Variants in EPB41 observed in about 807,000 individuals in gnomAD.
EPB41 encodes protein 4.1.
EPB41 carries 65 observed loss-of-function variants against 108.0 expected under a neutral mutation model. The observed-to-expected ratio is 0.60, with a 90% confidence interval of 0.49 to 0.74. EPB41 has a LOEUF of 0.74. Ranked by LOEUF, EPB41 falls within the 30% of genes least tolerant of loss-of-function variation. The pLI is 0.00. For synonymous variants in EPB41, 336 were observed against 358.9 expected (o/e 0.94, Z 0.72); for missense variants, 875 against 1,037.0 (o/e 0.84, Z 2.15).
chr1:28,934,539 T>G (rs2148623167), intron 1 of EPB41, among the ~76,000 whole-genome samples: 1 of 152,306 alleles, frequency 6.6e-6, no homozygotes, highest in East Asian at 1.9e-4. Flanking sequence ...TGTGGAGTCA[T>G]ACTGATATGG....
At chr1:29,085,696 A>G (rs1434687604) in intron 16 of EPB41, among the ~76,000 whole-genome samples, 1 of 151,792 alleles carries the variant, frequency 6.6e-6, no homozygotes, top group East Asian at 1.9e-4. Flanking sequence ...GAATATAGGC[A>G]TACACCACCA....
intron 4 of EPB41, among the ~76,000 whole-genome samples, chr1:29,008,258 A>T (rs2096441989): frequency 6.6e-6 from 1 of 152,168 alleles, no homozygotes; most frequent in African/African-American, 2.4e-5. Context: ...CTTAGTCACA[A>T]ATCGTAATAG....
Position 29,113,218 on chromosome 1 carries a change from G to C in EPB41, c.2496+770G>C, listed in dbSNP as rs368290207. On this transcript the variant is annotated intron_variant, in intron 19 of 20. Coordinates refer to ENST00000343067, the MANE Select transcript of EPB41 (RefSeq NM_001376013.1). ...ATTAATGTTCCCAGTTCTCTGCTGG[G>C]TGAGGTTAGAACAGTAAAGCTGCAG... Among the ~76,000 whole-genome samples the C allele has an allele frequency of 2.0e-4, 30 of 152,314 alleles. No homozygotes were observed. The South Asian group carries it at 5.8e-3, about 29-fold the overall frequency.
upstream of EPB41, among the ~76,000 whole-genome samples, chr1:28,911,548 G>A (rs1439048221): frequency 6.6e-6 from 1 of 152,208 alleles, no homozygotes; most frequent in Non-Finnish European, 1.5e-5. Context: ...GGGCTTTCAT[G>A]AATCTGAATT....
chr1:29,109,462 T>C (rs191910217), intron 18 of EPB41, 25 bp downstream of exon 18: 6 of 1,599,298 alleles, frequency 3.8e-6, no homozygotes, highest in Non-Finnish European at 5.1e-6. Flanking sequence ...AGAACCTCTT[T>C]ATGGAACCCA....
In EPB41 at chr1:29,109,134, G is replaced by T. The variant is rs111434453; in HGVS notation, c.2314-202G>T. ...AATTGCTTGAAACCGGGAAGCGGAGGTTGCAGTGAGCTGAGATCACGCCAC... is the reference window on the plus strand; with the variant it reads ...AATTGCTTGAAACCGGGAAGCGGAGTTTGCAGTGAGCTGAGATCACGCCAC... On this transcript the variant is annotated intron_variant, in intron 17 of 20. Coordinates refer to ENST00000343067, the MANE Select transcript of EPB41 (RefSeq NM_001376013.1). Among the ~76,000 whole-genome samples, 673 of 151,846 alleles carry T rather than the reference G, an allele frequency of 4.4e-3. 4 individuals carry two copies. The highest frequency in any genetic ancestry group is 0.015 in the African/African-American group (636 of 41,386).
At chr1:29,013,671 C>T (rs1006731751) in intron 5 of EPB41, among the ~76,000 whole-genome samples, 3 of 151,838 alleles carry the variant, frequency 2.0e-5, no homozygotes, top group Non-Finnish European at 4.4e-5. Context: ...GGATTACAGG[C>T]ATGTGCCACC....
chr1:29,072,146 G>A (rs1160627966), intron 16 of EPB41: 1 of 152,138 alleles, frequency 6.6e-6, no homozygotes, highest in Non-Finnish European at 1.5e-5. Context: ...AAAATTTGGT[G>A]TGCGTATATA....
chr1:28,975,684 T>C (rs1221976029), intron 1 of EPB41, among the ~76,000 whole-genome samples: 3 of 151,980 alleles, frequency 2.0e-5, no homozygotes, highest in South Asian at 2.1e-4. Context: ...AGAAGAAATA[T>C]GTGGCCAGGC....
At chr1:28,929,712 G>T (rs2093634869) in intron 1 of EPB41, among the ~76,000 whole-genome samples, 2 of 150,200 alleles carry the variant, frequency 1.3e-5, no homozygotes, top group African/African-American at 4.9e-5. Context: ...TGTATTTTTA[G>T]TAGAGACGGG....
At chr1:29,070,609 T>G (rs1650877964) in intron 16 of EPB41, 1 of 1,232,160 alleles carries the variant, frequency 8.1e-7, no homozygotes, top group African/African-American at 1.5e-5. Context: ...GGTTGGTCTT[T>G]CTGTGATCAG....
In EPB41 at chr1:29,012,044, C is replaced by T. The variant is rs115779330; in HGVS notation, c.829+137C>T. 5.1e-3 allele frequency: 4,503 copies of T among 879,542 alleles called. 19 individuals are homozygous for T. The highest frequency in any genetic ancestry group is 6.3e-3 in the Non-Finnish European group (3,523 of 559,920). 54.5% of individuals were successfully genotyped at this position (879,542 alleles called of 1,614,324 possible). On this transcript the variant is annotated intron_variant, in intron 5 of 20. Transcript: ENST00000343067. ...TGCTTTGAAATCGAGATAAAGCCTT[C>T]TCCTGGAAGGAGGAGATTCCATAAT...
intron 9 of EPB41, among the ~76,000 whole-genome samples, chr1:29,035,290 A>G (rs1028811431): frequency 1.3e-5 from 2 of 152,126 alleles, no homozygotes; most frequent in Non-Finnish European, 2.9e-5. Flanking sequence ...GCAGGTATAC[A>G]TATTTCAAAA....
intron 16 of EPB41, chr1:29,065,854 G>C (rs1225020390): frequency 6.6e-6 from 1 of 151,758 alleles, no homozygotes; most frequent in Non-Finnish European, 1.5e-5. Flanking sequence ...GTGTAGTCCA[G>C]CTACTCAGGG....
chr1:29,022,025 G>T (rs918768197), intron 7 of EPB41, among the ~76,000 whole-genome samples: 1 of 152,170 alleles, frequency 6.6e-6, no homozygotes, highest in Non-Finnish European at 1.5e-5. Flanking sequence ...TGTTGCTAAT[G>T]ACAAAATTCA....
chr1:29,063,611 A>T (rs1363447778), intron 15 of EPB41, among the ~76,000 whole-genome samples: 2 of 152,152 alleles, frequency 1.3e-5, no homozygotes, highest in African/African-American at 4.8e-5. Flanking sequence ...ATGAATTATA[A>T]TTTTTTACCC....
At chr1:29,103,317 T>C (rs992634846) in intron 17 of EPB41, among the ~76,000 whole-genome samples, 3 of 152,260 alleles carry the variant, frequency 2.0e-5, no homozygotes, top group East Asian at 3.9e-4. Context: ...AAAAAGGAAA[T>C]GGAAGCAGTC....
Position 29,049,228 on chromosome 1 carries a change from T to C in EPB41, c.1637-3876T>C, listed in dbSNP as rs1644065805. On this transcript the variant is annotated intron_variant, in intron 11 of 20. Coordinates refer to ENST00000343067, the MANE Select transcript of EPB41 (RefSeq NM_001376013.1). The stretch of plus-strand genomic sequence containing the variant: ...TAGCTAATAATGATGACAAAGATTA[T>C]ATTTTTCTTGCACTTTTTGCTTTTC... Among the ~76,000 whole-genome samples, 3 of 152,354 alleles carry C rather than the reference T, an allele frequency of 2.0e-5. No individual in the cohort carries two copies. In the South Asian group the frequency reaches 6.2e-4, roughly 32 times the overall value.
At chr1:28,919,330 C>A (rs1318223875) in intron 1 of EPB41, among the ~76,000 whole-genome samples, 1 of 152,202 alleles carries the variant, frequency 6.6e-6, no homozygotes, top group Non-Finnish European at 1.5e-5. Context: ...ACTTTAATAT[C>A]CCCTACCCGC....
Sources: gnomAD v4.1 joint callset for allele counts (sites outside exome capture counted in the v4.1 genomes callset) on GRCh38, gnomAD v4.1.1 for gene constraint, MANE v1.5 for transcripts, NCBI Gene and HGNC (gene_info 2026-07-23, HGNC 2026-07-21) for gene names.